COMMD1: variants seen among roughly 807,000 people sequenced by gnomAD.
COMMD1 encodes COMM domain-containing protein 1.
COMMD1 carries 10 observed loss-of-function variants against 17.2 expected under a neutral mutation model. The observed-to-expected ratio is 0.58, with a 90% CI of 0.36 to 0.99. The LOEUF (loss-of-function observed/expected upper bound fraction) is 0.99, where lower values mean the gene tolerates loss of function less well. COMMD1 is among the 50% of genes least tolerant of loss of function. The pLI, the probability that COMMD1 is intolerant of heterozygous loss-of-function variation, is 0.01. For synonymous variants in COMMD1, 97 were observed against 91.6 expected, an observed-to-expected ratio of 1.06 and a Z score of -0.34; for missense variants, 270 against 231.8, an observed-to-expected ratio of 1.17 and a Z score of -1.07.
intron 1 of COMMD1, among the ~76,000 whole-genome samples, chr2:61,932,801 C>T (rs1278612278): frequency 2.6e-5 from 4 of 152,182 alleles, no homozygotes; most frequent in Non-Finnish European, 4.4e-5. Flanking sequence ...TGGAAGCAGC[C>T]CAGTTGATCC....
intron 2 of COMMD1, among the ~76,000 whole-genome samples, chr2:62,034,732 G>A (rs1199710978): frequency 6.6e-6 from 1 of 152,054 alleles, no homozygotes; most frequent in East Asian, 1.9e-4. Context: ...GACTGGTAAG[G>A]TTTTCTCAAT....
chr2:61,889,311 A>G (rs1669356987), intron 1 of COMMD1, among the ~76,000 whole-genome samples: 1 of 144,120 alleles, frequency 6.9e-6, no homozygotes, highest in Admixed American at 7.3e-5. Context: ...GGCCCAAGCG[A>G]TCCTCCCGCC....
rs553142437 is a variant in COMMD1, at chr2:61,977,922, G to C, written c.181-22779G>C. On this transcript the variant is annotated intron_variant, in intron 1 of 2. Coordinates refer to ENST00000311832, the MANE Select transcript of COMMD1 (RefSeq NM_152516.4). ...AAGAGTTGCTTGAACCTGGGAGGCA[G>C]AGGTTGCAGTGAGCCGAGATAGTGC... 3.3e-5 allele frequency among the ~76,000 whole-genome samples: 5 copies of C among 151,880 alleles called. No individual in the cohort carries two copies. In the East Asian group the frequency reaches 9.7e-4, roughly 30 times the overall value.
chr2:62,028,552 G>A (rs1321867973), intron 2 of COMMD1, among the ~76,000 whole-genome samples: 3 of 151,964 alleles, frequency 2.0e-5, no homozygotes, highest in Non-Finnish European at 4.4e-5. Context: ...CAGCCTAGGC[G>A]ACAGAGTGAG....
At chr2:61,990,392 A>C (rs1184180721) in intron 1 of COMMD1, among the ~76,000 whole-genome samples, 2 of 152,194 alleles carry the variant, frequency 1.3e-5, no homozygotes, top group Non-Finnish European at 2.9e-5. Flanking sequence ...AGTTGCAAGA[A>C]ATAATTCAGA....
At chr2:61,928,013 C>T (rs750714593) in intron 1 of COMMD1, among the ~76,000 whole-genome samples, 8 of 151,642 alleles carry the variant, frequency 5.3e-5, no homozygotes, top group Non-Finnish European at 1.0e-4. Flanking sequence ...GATCTGCCCT[C>T]CTCAGCCTCC....
chr2:62,050,688 T>C (rs140127850), intron 2 of COMMD1, among the ~76,000 whole-genome samples: 2 of 152,300 alleles, frequency 1.3e-5, no homozygotes, highest in African/African-American at 4.8e-5. Context: ...GTAAGCTGAC[T>C]TATGTCATGT....
intron 1 of COMMD1, among the ~76,000 whole-genome samples, chr2:61,941,716 G>A (rs1439954459): frequency 6.6e-6 from 1 of 152,180 alleles, no homozygotes; most frequent in South Asian, 2.1e-4. Context: ...TTGTTTAATA[G>A]TGAGCTTTGG....
At chr2:61,940,864 T>C (rs1452372536) in intron 1 of COMMD1, among the ~76,000 whole-genome samples, 3 of 151,270 alleles carry the variant, frequency 2.0e-5, no homozygotes, top group Admixed American at 6.6e-5. Flanking sequence ...TTTTTTTTTA[T>C]ATATTAGTAG....
chr2:61,922,046 A>G (rs977646922), intron 1 of COMMD1, among the ~76,000 whole-genome samples: 4 of 152,226 alleles, frequency 2.6e-5, no homozygotes, highest in Non-Finnish European at 5.9e-5. Flanking sequence ...GTAACAGACT[A>G]TACAAGAAAA....
intron 2 of COMMD1, among the ~76,000 whole-genome samples, chr2:62,074,409 G>A (rs1258256200): frequency 6.6e-6 from 1 of 152,146 alleles, no homozygotes; most frequent in Non-Finnish European, 1.5e-5. Flanking sequence ...TGAGCTCCCT[G>A]GGGGCCCACA....
chr2:62,055,296 C>T (rs910397824), intron 2 of COMMD1: 2 of 394,744 alleles, frequency 5.1e-6, no homozygotes, highest in African/African-American at 4.3e-5. Context: ...CACAAGCTAA[C>T]CCTAGCCAAA....
At chr2:62,049,508 G>C (rs551027074) in intron 2 of COMMD1, among the ~76,000 whole-genome samples, 2 of 152,192 alleles carry the variant, frequency 1.3e-5, no homozygotes, top group South Asian at 4.2e-4. Flanking sequence ...TAGAGGACAG[G>C]GATGCTGCTA....
At chr2:62,101,219 T>C (rs1672168562) in intron 2 of COMMD1, among the ~76,000 whole-genome samples, 1 of 152,194 alleles carries the variant, frequency 6.6e-6, no homozygotes, top group African/African-American at 2.4e-5. Flanking sequence ...TCTGATTCTC[T>C]GAATACCAAC....
At chr2:61,923,762 A>G (rs183626485) in intron 1 of COMMD1, among the ~76,000 whole-genome samples, 304 of 152,140 alleles carry the variant, frequency 2.0e-3, no homozygotes, top group African/African-American at 6.9e-3. Context: ...ATATTTAGAA[A>G]GAGTTTTTTT....
At chr2:61,922,666 C>G (rs1458562327) in intron 1 of COMMD1, among the ~76,000 whole-genome samples, 1 of 152,096 alleles carries the variant, frequency 6.6e-6, no homozygotes, top group East Asian at 1.9e-4. Flanking sequence ...ATTTCTTTCC[C>G]CTTATGTAAC....
At chr2:61,974,424 A>G (rs937441447) in intron 1 of COMMD1, among the ~76,000 whole-genome samples, 6 of 152,104 alleles carry the variant, frequency 3.9e-5, no homozygotes, top group African/African-American at 1.4e-4. Flanking sequence ...CTGTAATCCC[A>G]GCACTTTTGG....
intron 2 of COMMD1, among the ~76,000 whole-genome samples, chr2:62,078,622 A>G (rs1671422697): frequency 6.6e-6 from 1 of 150,966 alleles, no homozygotes. Context: ...TAATCCGAGC[A>G]CTTTGGGAGG....
At chr2:62,003,324 G>A (rs1217037491) in intron 2 of COMMD1, among the ~76,000 whole-genome samples, 2 of 151,550 alleles carry the variant, frequency 1.3e-5, no homozygotes, top group Non-Finnish European at 2.9e-5. Flanking sequence ...GGTGGATCAC[G>A]AGATCAGGAG....
Sources: allele counts gnomAD v4.1 joint callset (sites outside exome capture counted in the v4.1 genomes callset), GRCh38; gene constraint gnomAD v4.1.1; transcripts MANE v1.5; gene names NCBI Gene and HGNC (gene_info 2026-07-23, HGNC 2026-07-21).